The following AUH variants were observed in gnomAD, a reference collection of about 807,000 sequenced individuals.
AUH encodes the protein methylglutaconyl-CoA hydratase, mitochondrial.
In AUH, 29 loss-of-function variants were observed where a neutral mutation model predicts 42.3. That is an observed-to-expected ratio of 0.69 (90% CI 0.51 to 0.93). The LOEUF is 0.93. AUH is among the 40% of genes least tolerant of loss of function. The pLI is 0.00. For missense variants in AUH, 452 were observed against 438.1 expected (o/e 1.03, Z -0.28); for synonymous variants, 174 against 166.4 (o/e 1.05, Z -0.35).
At chr9:91,330,205 A>G (rs985694058) in intron 3 of AUH, among the ~76,000 whole-genome samples, 1 of 149,490 alleles carries the variant, frequency 6.7e-6, no homozygotes, top group African/African-American at 2.4e-5. Context: ...GAAATCTCGA[A>G]AAGATATCAC....
chr9:91,275,702 G>A (rs902199945), intron 6 of AUH, among the ~76,000 whole-genome samples: 2 of 152,304 alleles, frequency 1.3e-5, no homozygotes, highest in South Asian at 2.1e-4. Context: ...CACCCAAAAG[G>A]ATGACTATGG....
At chr9:91,313,471 C>T (rs866407249) in intron 4 of AUH, among the ~76,000 whole-genome samples, 5 of 150,870 alleles carry the variant, frequency 3.3e-5, no homozygotes, top group African/African-American at 7.3e-5. Flanking sequence ...TTTGGGAGGC[C>T]GAGGCGGGTG....
chr9:91,291,524 T>G (rs1826885157), intron 6 of AUH, among the ~76,000 whole-genome samples: 1 of 152,242 alleles, frequency 6.6e-6, no homozygotes, highest in Non-Finnish European at 1.5e-5. Flanking sequence ...TTATAAATCC[T>G]TCTGGTGTTT....
chr9:91,220,757 T>C lies in AUH; in HGVS notation c.843+48A>G, dbSNP rs576254844. On this transcript the variant is annotated intron_variant, in intron 7 of 9. Transcript: ENST00000375731. ...GACTGCTGTTTTAGTCAAAGTGTTA[T>C]AATGTTTCCTAAAATGAGAAAAAAT... The C allele has an allele frequency of 4.2e-4, 671 of 1,600,670 alleles. 9 individuals carry two copies. The South Asian group carries it at 6.2e-3, about 15-fold the overall frequency.
intron 4 of AUH, among the ~76,000 whole-genome samples, chr9:91,307,373 T>C (rs1222417581): frequency 6.6e-6 from 1 of 152,242 alleles, no homozygotes; most frequent in African/African-American, 2.4e-5. Context: ...TTAAAATTTG[T>C]ACACCAAGTA....
intron 6 of AUH, among the ~76,000 whole-genome samples, chr9:91,232,152 G>A (rs1221784413): frequency 6.6e-6 from 1 of 152,084 alleles, no homozygotes; most frequent in African/African-American, 2.4e-5. Context: ...TAGGAGGCTG[G>A]GGCAGGGGGA....
intron 1 of AUH, among the ~76,000 whole-genome samples, chr9:91,357,077 A>C (rs1045922059): frequency 6.6e-6 from 1 of 152,248 alleles, no homozygotes; most frequent in African/African-American, 2.4e-5. Context: ...TGCTCACAAG[A>C]GTAAATTTGC....
intron 3 of AUH, among the ~76,000 whole-genome samples, chr9:91,329,787 T>C (rs967390223): frequency 6.6e-6 from 1 of 152,176 alleles, no homozygotes; most frequent in Non-Finnish European, 1.5e-5. Flanking sequence ...TTTCTGGTAA[T>C]ATCTAAAAAT....
At chr9:91,295,822 C>G (rs561432879) in intron 6 of AUH, among the ~76,000 whole-genome samples, 199 bp downstream of exon 6, 1 of 152,160 alleles carries the variant, frequency 6.6e-6, no homozygotes, top group Non-Finnish European at 1.5e-5. Context: ...CTTGCTCTAT[C>G]GCAGTATTTG....
chr9:91,355,745 T>G (rs1178142276), intron 3 of AUH, 138 bp downstream of exon 3: 1 of 737,790 alleles, frequency 1.4e-6, no homozygotes, highest in Admixed American at 2.5e-5. Flanking sequence ...GTTTTTTTCT[T>G]GTGAATCAGT....
At chr9:91,278,310 CA>C (rs1211496879) in intron 6 of AUH, among the ~76,000 whole-genome samples, 1 of 152,070 alleles carries the variant, frequency 6.6e-6, no homozygotes, top group Non-Finnish European at 1.5e-5. Flanking sequence ...TTACGCGTAG[CA>C]AAAAGATTAT....
At chr9:91,349,675 GACAGAC>G (rs1341047977) in intron 3 of AUH, among the ~76,000 whole-genome samples, 6 of 68,124 alleles carry the variant, frequency 8.8e-5, no homozygotes, top group Admixed American at 1.6e-4. Context: ...AAGGCAGAGA[GACAGAC>G]ACACACACAC....
At chr9:91,239,374 C>G (rs76582094) in intron 6 of AUH, among the ~76,000 whole-genome samples, 3,769 of 152,176 alleles carry the variant, frequency 0.025, 75 homozygotes, top group East Asian at 0.059. Flanking sequence ...AATAGAAAAG[C>G]CCCACTTCAG....
chr9:91,316,322 G>A (rs911258179), intron 4 of AUH, among the ~76,000 whole-genome samples: 9 of 152,178 alleles, frequency 5.9e-5, no homozygotes, highest in Non-Finnish European at 1.0e-4. Context: ...TACTGGGCCA[G>A]AGTGTAGATA....
At chr9:91,341,065 A>T (rs1221701583) in intron 3 of AUH, among the ~76,000 whole-genome samples, 1 of 152,054 alleles carries the variant, frequency 6.6e-6, no homozygotes, top group Non-Finnish European at 1.5e-5. Context: ...CAAAAATCTA[A>T]TTTTTTCTAA....
intron 6 of AUH, among the ~76,000 whole-genome samples, chr9:91,223,561 C>T (rs1274477442): frequency 1.3e-5 from 2 of 152,160 alleles, no homozygotes; most frequent in Non-Finnish European, 2.9e-5. Flanking sequence ...CAAGACCCTG[C>T]TTTCAATTCT....
chr9:91,338,767 A>C (rs1255263644), intron 3 of AUH, among the ~76,000 whole-genome samples: 1 of 152,190 alleles, frequency 6.6e-6, no homozygotes, highest in East Asian at 1.9e-4. Flanking sequence ...TAGCATAAGA[A>C]AGATTGGAAA....
At chr9:91,342,151 T>A (rs1831154237) in intron 3 of AUH, among the ~76,000 whole-genome samples, 1 of 152,240 alleles carries the variant, frequency 6.6e-6, no homozygotes, top group South Asian at 2.1e-4. Context: ...TTGGCAAGGC[T>A]GCATTCCTTC....
At chr9:91,330,256 TAAC>T (rs1830234490) in intron 3 of AUH, among the ~76,000 whole-genome samples, 1 of 152,032 alleles carries the variant, frequency 6.6e-6, no homozygotes, top group South Asian at 2.1e-4. Context: ...AGAATAAATC[TAAC>T]AAAAGGAACA....
Sources: gnomAD v4.1 joint callset for allele counts (sites outside exome capture counted in the v4.1 genomes callset) on GRCh38, gnomAD v4.1.1 for gene constraint, MANE v1.5 for transcripts, NCBI Gene and HGNC (gene_info 2026-07-23, HGNC 2026-07-21) for gene names.